The following AHCYL1 variants were observed in gnomAD, a reference collection of about 807,000 sequenced individuals.
AHCYL1 encodes adenosylhomocysteinase like 1, also known as S-adenosylhomocysteine hydrolase-like protein 1.
AHCYL1 carries 20 observed loss-of-function variants against 79.3 expected under a neutral mutation model. The ratio of observed to expected loss-of-function variants is 0.25; its 90% CI spans 0.18 to 0.37. The LOEUF (loss-of-function observed/expected upper bound fraction) is 0.37, where lower values mean the gene tolerates loss of function less well. Among genes scored for constraint, AHCYL1 ranks in the 10% least tolerant of loss-of-function variants. AHCYL1 has a pLI of 1.00. For synonymous variants in AHCYL1, 223 were observed against 242.2 expected (o/e 0.92, Z 0.74); for missense variants, 330 against 673.6 (o/e 0.49, Z 5.65).
At chr1:110,012,233 G>C in intron 3 of AHCYL1, 129 bp from the exon 4 acceptor site, 1 of 695,844 alleles carries the variant, frequency 1.4e-6, no homozygotes, top group Admixed American at 3.0e-5. Context: ...GCTGCCAGTC[G>C]TCATGGAAAT....
chr1:109,993,158 C>G (rs1649856646), intron 1 of AHCYL1, among the ~76,000 whole-genome samples: 1 of 152,220 alleles, frequency 6.6e-6, no homozygotes, highest in Non-Finnish European at 1.5e-5. Context: ...AACTCTACTG[C>G]TCTTCATATG....
chr1:110,009,184 T>C (rs189020352), intron 2 of AHCYL1, 39 bp downstream of exon 2: 1 of 1,539,434 alleles, frequency 6.5e-7, no homozygotes, highest in East Asian at 2.3e-5. Flanking sequence ...CTAATCTCTC[T>C]TCCCTGTTTG....
intron 1 of AHCYL1, among the ~76,000 whole-genome samples, chr1:109,999,704 ATT>A (rs148500432): frequency 7.4e-5 from 11 of 148,140 alleles, no homozygotes; most frequent in Non-Finnish European, 1.1e-4. Flanking sequence ...CAATGGTAAA[ATT>A]TTTTTTTTTT....
chr1:109,985,783 A>T lies in AHCYL1; in HGVS notation c.120+611A>T, dbSNP rs143393587. On this transcript the variant is annotated intron_variant, in intron 1 of 16. Transcript: ENST00000369799. ...CATTTGGAGGTTGGTGACAGCAGACACTGTCATGGATACAGGTGGATCCTA... is the reference window on the plus strand; with the variant it reads ...CATTTGGAGGTTGGTGACAGCAGACTCTGTCATGGATACAGGTGGATCCTA... 8.1e-3 allele frequency among the ~76,000 whole-genome samples: 1,237 copies of T among 152,294 alleles called. 5 individuals are homozygous for T. Among genetic ancestry groups the T allele is most frequent in the Non-Finnish European group, 0.012 (819 of 68,018 alleles).
At chr1:110,008,990 A>G (rs780335101) in intron 1 of AHCYL1, 44 bp from the exon 2 acceptor site, 5 of 1,447,642 alleles carry the variant, frequency 3.5e-6, no homozygotes, top group Admixed American at 1.8e-5. Flanking sequence ...CATTTCATGG[A>G]TTTTCCTTAT....
intron 1 of AHCYL1, among the ~76,000 whole-genome samples, chr1:109,999,751 ATTTTAT>A (rs1650211518): frequency 1.3e-5 from 2 of 150,520 alleles, no homozygotes; most frequent in Non-Finnish European, 3.0e-5. Context: ...TACAACATTT[ATTTTAT>A]TTTTATTTTT....
chr1:110,003,640 C>A (rs560344490), intron 1 of AHCYL1, among the ~76,000 whole-genome samples: 18 of 151,350 alleles, frequency 1.2e-4, no homozygotes, highest in African/African-American at 3.9e-4. Flanking sequence ...AAATCAATAT[C>A]GGGAGAAACA....
In AHCYL1 at chr1:109,985,148, C is replaced by T; in HGVS notation, c.96C>T (p.Ala32=). ...ACGCCGAGAAGTACTCCTTCATGGC[C>T]ACCGTCACCAAGGCGCCCAAGAAGG... ...IEDAEKYSFM[A]TVTKAPKKQI... The change falls in exon 1 of 17, where the codon GCC becomes GCT. Residue 32 remains alanine (A), a synonymous_variant. Coordinates refer to ENST00000369799, the MANE Select transcript of AHCYL1 (RefSeq NM_006621.7). 1.9e-6 allele frequency: 3 copies of T among 1,610,470 alleles called. No individual in the cohort carries two copies. Among genetic ancestry groups the T allele is most frequent in the Non-Finnish European group, 2.5e-6 (3 of 1,178,714 alleles).
Position 109,998,517 on chromosome 1 carries a change from G to A in AHCYL1, c.121-10517G>A, listed in dbSNP as rs571770695. Among the ~76,000 whole-genome samples, 112 of 152,124 alleles carry A rather than the reference G, an allele frequency of 7.4e-4. 1 individual carries two copies. Among genetic ancestry groups the A allele is most frequent in the African/African-American group, 2.7e-3 (111 of 41,476 alleles). On this transcript the variant is annotated intron_variant, in intron 1 of 16. Coordinates refer to ENST00000369799, the MANE Select transcript of AHCYL1 (RefSeq NM_006621.7). ...TTTTGAGACGGAGTTTCACTCATTC[G>A]CCCAGGCTGGAGTGCAGTGGTGTGA...
chr1:110,001,547 C>T (rs546942219), intron 1 of AHCYL1, among the ~76,000 whole-genome samples: 3 of 152,140 alleles, frequency 2.0e-5, no homozygotes, highest in Admixed American at 1.3e-4. Flanking sequence ...TGAACCAATA[C>T]AAAATGATTC....
At chr1:110,018,827 A>G (rs969264381) in intron 13 of AHCYL1, 177 bp downstream of exon 13, 27 of 730,578 alleles carry the variant, frequency 3.7e-5, no homozygotes, top group Non-Finnish European at 5.9e-5. Flanking sequence ...TCTACTTTTT[A>G]CTAAGTAACA....
chr1:110,005,461 T>C (rs1650586812), intron 1 of AHCYL1, among the ~76,000 whole-genome samples: 1 of 152,242 alleles, frequency 6.6e-6, no homozygotes, highest in South Asian at 2.1e-4. Context: ...GGTCAAAACA[T>C]GTCTACAGAT....
chr1:109,986,941 A>G (rs545967472), intron 1 of AHCYL1, among the ~76,000 whole-genome samples: 1 of 152,192 alleles, frequency 6.6e-6, no homozygotes, highest in African/African-American at 2.4e-5. Context: ...GAATATTACT[A>G]ATGTGTATTA....
rs564411267 is a variant in AHCYL1, at chr1:110,004,442, T to C, written c.121-4592T>C. 93 of 985,408 alleles carry C rather than the reference T, an allele frequency of 9.4e-5. No homozygotes were observed. In the African/African-American group the frequency reaches 1.5e-3, roughly 16 times the overall value. 61.0% of individuals were successfully genotyped at this position (985,408 alleles called of 1,614,324 possible). On this transcript the variant is annotated intron_variant, in intron 1 of 16. Transcript: ENST00000369799. ...CTGAGATTGATTCCCTTGAGATAAG[T>C]TGTTTTCTGGTGGGTGTGTCTGGGA...
intron 1 of AHCYL1, chr1:110,003,896 T>C: frequency 1.0e-6 from 1 of 985,026 alleles, no homozygotes; most frequent in Non-Finnish European, 1.2e-6. Flanking sequence ...CGATTACTCA[T>C]TGACTGGAGC....
intron 1 of AHCYL1, among the ~76,000 whole-genome samples, chr1:109,988,786 A>AT (rs1649598823): frequency 6.6e-6 from 1 of 152,140 alleles, no homozygotes; most frequent in Non-Finnish European, 1.5e-5. Flanking sequence ...TGTTTATAGG[A>AT]TATTCTTTAT....
intron 1 of AHCYL1, among the ~76,000 whole-genome samples, chr1:109,988,134 G>A (rs1387206427): frequency 1.3e-5 from 2 of 152,208 alleles, no homozygotes; most frequent in Non-Finnish European, 2.9e-5. Context: ...ACTTTTAGCA[G>A]CCAGAGGATG....
intron 5 of AHCYL1, among the ~76,000 whole-genome samples, chr1:110,013,489 C>A (rs927187768): frequency 6.6e-6 from 1 of 152,172 alleles, no homozygotes; most frequent in Non-Finnish European, 1.5e-5. Context: ...GCGGGCAGAT[C>A]ACTTGAGGCC....
At chr1:110,001,236 G>A (rs1650294641) in intron 1 of AHCYL1, among the ~76,000 whole-genome samples, 1 of 152,012 alleles carries the variant, frequency 6.6e-6, no homozygotes, top group Non-Finnish European at 1.5e-5. Flanking sequence ...GCCCAGGCGG[G>A]AGTGCAGTGG....
Sources: allele counts gnomAD v4.1 joint callset (sites outside exome capture counted in the v4.1 genomes callset), GRCh38; gene constraint gnomAD v4.1.1; transcripts MANE v1.5; gene names NCBI Gene and HGNC (gene_info 2026-07-23, HGNC 2026-07-21).